Variants in TEX36 observed in about 807,000 individuals in gnomAD.
TEX36 encodes testis-expressed protein 36.
A neutral mutation model predicts 13.6 loss-of-function variants in TEX36; 12 were observed. The observed-to-expected ratio is 0.88, with a 90% CI of 0.56 to 1.43. The LOEUF (loss-of-function observed/expected upper bound fraction) is 1.43, where lower values mean the gene tolerates loss of function less well. Ranked by LOEUF, TEX36 falls within the 40% of genes most tolerant of loss-of-function variation. TEX36 has a pLI of 0.00. For synonymous variants in TEX36, 93 were observed against 83.0 expected, an observed-to-expected ratio of 1.12 and a Z score of -0.65; for missense variants, 224 against 228.3, an observed-to-expected ratio of 0.98 and a Z score of 0.12.
intron 3 of TEX36, among the ~76,000 whole-genome samples, chr10:125,605,586 G>A (rs1846206346): frequency 6.6e-6 from 1 of 151,274 alleles, no homozygotes; most frequent in South Asian, 2.1e-4. Context: ...GGTCCAAGAT[G>A]TTTATTTATT....
intron 3 of TEX36, among the ~76,000 whole-genome samples, chr10:125,635,155 A>G (rs890349228): frequency 6.6e-6 from 1 of 152,192 alleles, no homozygotes; most frequent in Non-Finnish European, 1.5e-5. Flanking sequence ...AAGATTTAAC[A>G]GCAAAGAGTC....
intron 3 of TEX36, among the ~76,000 whole-genome samples, chr10:125,601,760 C>T (rs141066382): frequency 2.6e-4 from 39 of 152,244 alleles, no homozygotes; most frequent in East Asian, 2.1e-3. Context: ...GACCCTGGGA[C>T]GATTTGGGGG....
rs1846929174 is a variant in TEX36, at chr10:125,655,709, GAA to G, written c.*189_*190del. ...TCCCCAAAAGTAAATGTGGCCATCT[GAA>G]AAGTTTATTTACACATGCGTATGTC... On this transcript the variant is annotated 3_prime_UTR_variant, in exon 4 of 4. Transcript: ENST00000368821. 1 of 1,261,402 alleles carries G rather than the reference GAA, an allele frequency of 7.9e-7. No individual in the cohort carries two copies. Among genetic ancestry groups the G allele is most frequent in the African/African-American group, 1.5e-5 (1 of 64,914 alleles). The allele number at this position is 1,261,402 out of a possible 1,614,324, so 78.1% of individuals were successfully genotyped here. A position where few individuals can be genotyped will look rare whatever the true frequency, so the allele number is the denominator to read the frequency against.
intron 3 of TEX36, among the ~76,000 whole-genome samples, chr10:125,604,984 T>C (rs950350422): frequency 6.6e-6 from 1 of 151,986 alleles, no homozygotes; most frequent in Non-Finnish European, 1.5e-5. Flanking sequence ...ATAACAGAAA[T>C]AAAGTGCACA....
intron 1 of TEX36, among the ~76,000 whole-genome samples, chr10:125,680,958 T>C (rs866415557): frequency 2.6e-5 from 4 of 152,152 alleles, no homozygotes; most frequent in Non-Finnish European, 5.9e-5. Context: ...ACAGCAGCCA[T>C]GTGGTTGGTT....
chr10:125,626,176 CCCT>C (rs1451234672), intron 3 of TEX36, among the ~76,000 whole-genome samples: 29 of 152,264 alleles, frequency 1.9e-4, no homozygotes, highest in Admixed American at 1.5e-3. Context: ...CAGTCCTGCT[CCCT>C]CCTCCTCCCT....
intron 3 of TEX36, among the ~76,000 whole-genome samples, chr10:125,607,178 C>T (rs1441806453): frequency 1.3e-5 from 2 of 152,182 alleles, no homozygotes; most frequent in African/African-American, 4.8e-5. Flanking sequence ...ACTTTAGGAG[C>T]TTACCAAAAA....
intron 3 of TEX36, among the ~76,000 whole-genome samples, chr10:125,623,933 C>T (rs777115436): frequency 6.6e-6 from 1 of 152,196 alleles, no homozygotes; most frequent in South Asian, 2.1e-4. Context: ...CTTATCCTCA[C>T]CTCAGAGTGG....
At chr10:125,678,872 G>A (rs1472133164) in intron 1 of TEX36, among the ~76,000 whole-genome samples, 1 of 152,116 alleles carries the variant, frequency 6.6e-6, no homozygotes, top group African/African-American at 2.4e-5. Flanking sequence ...GGGTGGGCTT[G>A]CGCTCAGGCC....
intron 3 of TEX36, among the ~76,000 whole-genome samples, chr10:125,623,949 C>T (rs767762076): frequency 1.3e-5 from 2 of 152,176 alleles, no homozygotes; most frequent in East Asian, 1.9e-4. Context: ...AGTGGACACA[C>T]GTGTGAGCGT....
intron 3 of TEX36, among the ~76,000 whole-genome samples, chr10:125,612,070 T>TCTTTTC (rs749155349): frequency 4.0e-5 from 6 of 148,594 alleles, no homozygotes; most frequent in Non-Finnish European, 8.9e-5. Context: ...TCTTTTCTTT[T>TCTTTTC]CTTTTTCTTT....
chr10:125,670,380 G>A lies in TEX36; in HGVS notation c.52-8403C>T, dbSNP rs571478087. 9.9e-5 allele frequency among the ~76,000 whole-genome samples: 15 copies of A among 152,194 alleles called. No homozygotes were observed. The South Asian group carries it at 1.0e-3, about 11-fold the overall frequency. ...GCTTTTTTTCATATGTTTGTTGGCC[G>A]CATAAATGTCTTCTTTTGAGAAGTA... On this transcript the variant is annotated intron_variant, in intron 1 of 3. Coordinates refer to ENST00000368821, the MANE Select transcript of TEX36 (RefSeq NM_001128202.3).
intron 1 of TEX36, among the ~76,000 whole-genome samples, chr10:125,668,801 T>C (rs561286923): frequency 2.8e-4 from 42 of 152,340 alleles, no homozygotes; most frequent in African/African-American, 9.9e-4. Flanking sequence ...TTGGAGTGCA[T>C]TGTTGATAGT....
downstream of TEX36, among the ~76,000 whole-genome samples, chr10:125,620,988 C>T (rs1846424127): frequency 6.6e-6 from 1 of 152,110 alleles, no homozygotes; most frequent in Admixed American, 6.5e-5. Flanking sequence ...AAATAATATT[C>T]CATTGTATGG....
chr10:125,632,591 G>A (rs867978563), intron 3 of TEX36, among the ~76,000 whole-genome samples: 2 of 152,156 alleles, frequency 1.3e-5, no homozygotes, highest in African/African-American at 2.4e-5. Context: ...ATGCCTAGAA[G>A]AGAAGCTGGT....
At chr10:125,670,013 T>C (rs1349775436) in intron 1 of TEX36, among the ~76,000 whole-genome samples, 1 of 152,270 alleles carries the variant, frequency 6.6e-6, no homozygotes, top group East Asian at 1.9e-4. Context: ...ATGTTTGGGT[T>C]GACTCCATGT....
At chr10:125,647,013 T>G (rs563426259) in intron 3 of TEX36, among the ~76,000 whole-genome samples, 1 of 152,340 alleles carries the variant, frequency 6.6e-6, no homozygotes, top group South Asian at 2.1e-4. Context: ...TGACTGCAAG[T>G]AAGATAATTG....
At chr10:125,603,980 G>A (rs1236602570) in intron 3 of TEX36, among the ~76,000 whole-genome samples, 5 of 152,268 alleles carry the variant, frequency 3.3e-5, no homozygotes, top group African/African-American at 9.6e-5. Flanking sequence ...GGCCCATTCC[G>A]GTTCAGTCCA....
intron 3 of TEX36, among the ~76,000 whole-genome samples, chr10:125,594,474 A>G (rs1237056201): frequency 2.0e-5 from 3 of 152,240 alleles, no homozygotes; most frequent in Non-Finnish European, 4.4e-5. Flanking sequence ...TAGTGGAAGC[A>G]GCTGAAAGAT....
Sources: gnomAD v4.1 joint callset for allele counts (sites outside exome capture counted in the v4.1 genomes callset) on GRCh38, gnomAD v4.1.1 for gene constraint, MANE v1.5 for transcripts, NCBI Gene and HGNC (gene_info 2026-07-23, HGNC 2026-07-21) for gene names.